Variants in HARBI1 observed in about 807,000 individuals in gnomAD.
HARBI1 encodes the protein harbinger transposase derived 1, also known as putative nuclease HARBI1.
Under a neutral mutation model 25.3 loss-of-function variants are expected in HARBI1, and 15 were observed. The observed-to-expected ratio is 0.59, with a 90% CI of 0.40 to 0.91. HARBI1 has a LOEUF of 0.91. Among genes scored for constraint, HARBI1 ranks in the 40% least tolerant of loss-of-function variants. The pLI is 0.00. For missense variants in HARBI1, 396 were observed against 445.8 expected, an observed-to-expected ratio of 0.89 and a Z score of 1.01; for synonymous variants, 168 against 160.5, an observed-to-expected ratio of 1.05 and a Z score of -0.35.
At chr11:46,607,208 G>A (rs1219131694) in intron 2 of HARBI1, among the ~76,000 whole-genome samples, 3 of 147,278 alleles carry the variant, frequency 2.0e-5, no homozygotes, top group Non-Finnish European at 4.4e-5. Context: ...GATGCAGTGA[G>A]CCGAGATCAC....
intron 2 of HARBI1, among the ~76,000 whole-genome samples, chr11:46,605,586 CCT>C (rs1491289495): frequency 1.5e-5 from 2 of 134,000 alleles, no homozygotes; most frequent in Non-Finnish European, 1.6e-5. Context: ...CCAGGTATAA[CCT>C]TTTTTTTTTT....
At chr11:46,615,181 G>A (rs962557682) in intron 2 of HARBI1, among the ~76,000 whole-genome samples, 1 of 151,522 alleles carries the variant, frequency 6.6e-6, no homozygotes, top group Non-Finnish European at 1.5e-5. Flanking sequence ...CAAAGTGCTA[G>A]GATAACAGGC....
rs558890391 is a variant in HARBI1, at chr11:46,615,446, G to A, written c.670+122C>T. On this transcript the variant is annotated intron_variant, in intron 2 of 2. Transcript: ENST00000326737. ...TTGGCCAGGCTGGTCTCCAGCTCTT[G>A]ACCTCAGGTGATCTACCGCCTCAGC... 1.9e-4 allele frequency: 148 copies of A among 761,340 alleles called. No individual in the cohort carries two copies. In the African/African-American group the frequency reaches 2.2e-3, roughly 11 times the overall value. The allele number at this position is 761,340 out of a possible 1,614,324, so 47.2% of individuals were successfully genotyped here. A position where few individuals can be genotyped will look rare whatever the true frequency, so the allele number is the denominator to read the frequency against.
intron 1 of HARBI1, chr11:46,616,671 G>A (rs1033683325): frequency 3.0e-6 from 3 of 998,472 alleles, no homozygotes; most frequent in South Asian, 8.6e-5. Context: ...AAAAGAGGTC[G>A]GCTTCTAACT....
At chr11:46,615,269 G>A (rs567484355) in intron 2 of HARBI1, among the ~76,000 whole-genome samples, 3 of 148,280 alleles carry the variant, frequency 2.0e-5, no homozygotes, top group Admixed American at 1.3e-4. Flanking sequence ...TTGCCCAGGT[G>A]GGGGTGCAAT....
rs746807126 is a variant in HARBI1, at chr11:46,603,774, G to A, written c.806C>T (p.Ser269Phe). The A allele has an allele frequency of 3.7e-6, 6 of 1,614,190 alleles. No homozygotes were observed. Among genetic ancestry groups the A allele is most frequent in the Non-Finnish European group, 5.1e-6 (6 of 1,180,044 alleles). The change falls in exon 3 of 3, where the codon TCC (serine) becomes TTC (phenylalanine). Residue 269 changes from serine (S) to phenylalanine (F), a missense_variant. Ser to Phe is a radical substitution (Grantham distance 155). Coordinates refer to ENST00000326737, the MANE Select transcript of HARBI1 (RefSeq NM_173811.4). ...GGATCCATCCAGGCAGCGGAATCGG[G>A]AGCAGAGGGTTCGGAAAGTCTTCTC... Reference protein sequence around the residue: ...VIEKTFRTLCSRFRCLDGSKG... With the variant: ...VIEKTFRTLCFRFRCLDGSKG...
intron 2 of HARBI1, among the ~76,000 whole-genome samples, chr11:46,608,380 C>T (rs1213176010): frequency 6.6e-6 from 1 of 152,114 alleles, no homozygotes; most frequent in African/African-American, 2.4e-5. Context: ...CCTTATAATC[C>T]TGCCAATCTT....
chr11:46,603,951 G>C, intron 2 of HARBI1, 42 bp from the exon 3 acceptor site: 1 of 1,541,452 alleles, frequency 6.5e-7, no homozygotes, highest in African/African-American at 1.4e-5. Flanking sequence ...ACTATAAGTG[G>C]AATAGAAACA....
Position 46,615,736 on chromosome 11 carries a change from G to A in HARBI1, c.502C>T (p.Arg168Ter), listed in dbSNP as rs149210113. ...CAGTTTAAAGAATGCAGGCCTTTTC[G>A]GTTCACATAGGAGAGGTCTTCAGCA... ...PNAEDLSYVN[R>*]KGLHSLNCLM... The change falls in exon 2 of 3, where the codon CGA becomes TGA. Residue 168 changes from arginine to a stop codon, truncating the protein, a stop_gained. Transcript: ENST00000326737. LOFTEE classifies it high-confidence loss of function. The A allele has an allele frequency of 4.1e-5, 66 of 1,613,998 alleles. No individual in the cohort carries two copies. The highest frequency in any genetic ancestry group is 5.6e-5 in the Non-Finnish European group (66 of 1,180,034).
rs1330334117 is a variant in HARBI1 at position 46,603,618 on chromosome 11, G to A, written c.962C>T (p.Pro321Leu). The change falls in exon 3 of 3, where the codon CCC becomes CTC. Residue 321 changes from proline to leucine, a missense_variant. Pro to Leu is a moderately conservative substitution (Grantham distance 98). Transcript: ENST00000326737. ...SSPMTGPMEQPPEEEYEHMES... is the reference protein window; with the variant it reads ...SSPMTGPMEQLPEEEYEHMES... The stretch of plus-strand genomic sequence containing the variant: ...CATGTGCTCATACTCCTCTTCCGGG[G>A]GCTGTTCCATGGGTCCTGTCATTGG... The A allele has an allele frequency of 1.9e-6, 3 of 1,614,120 alleles. No individual in the cohort carries two copies. The highest frequency in any genetic ancestry group is 2.5e-6 in the Non-Finnish European group (3 of 1,180,030).
chr11:46,610,459 G>A (rs1476870879), intron 2 of HARBI1, among the ~76,000 whole-genome samples: 1 of 151,794 alleles, frequency 6.6e-6, no homozygotes, highest in African/African-American at 2.4e-5. Context: ...AGGAGATGGA[G>A]GCCATCCTGG....
At chr11:46,617,863 AACC>A, upstream of HARBI1, 1 of 399,160 alleles carries the variant, frequency 2.5e-6, no homozygotes, top group Non-Finnish European at 4.4e-6. Flanking sequence ...GAGAGCCCGG[AACC>A]ACTCTTTGTG....
chr11:46,610,173 AGCC>A (rs1303042120), intron 2 of HARBI1, among the ~76,000 whole-genome samples: 1 of 151,968 alleles, frequency 6.6e-6, no homozygotes, highest in Non-Finnish European at 1.5e-5. Context: ...AAACAAAATT[AGCC>A]AGGCATGATG....
At chr11:46,607,364 G>A (rs952484570) in intron 2 of HARBI1, among the ~76,000 whole-genome samples, 16 of 151,618 alleles carry the variant, frequency 1.1e-4, no homozygotes, top group African/African-American at 7.3e-5. Context: ...GTATATGTTC[G>A]TCATCCTTTG....
chr11:46,616,218 A>G lies in HARBI1; in HGVS notation c.20T>C (p.Val7Ala), dbSNP rs953282704. Reference protein sequence around the residue: MAIPITVLDCDLLLYGR... With the variant: MAIPITALDCDLLLYGR... Reference sequence around the variant, plus strand: ...ATATAGCAAGAGGTCACAGTCAAGCACTGTTATTGGTATAGCCATGGTAAA... The same window carrying G: ...ATATAGCAAGAGGTCACAGTCAAGCGCTGTTATTGGTATAGCCATGGTAAA... Residue 7 changes from valine to alanine, a missense_variant, in exon 2 of 3, where the codon GTG (valine) becomes GCG (alanine). Val to Ala is a moderately conservative substitution (Grantham distance 64, BLOSUM62 0). Coordinates refer to ENST00000326737, the MANE Select transcript of HARBI1 (RefSeq NM_173811.4). The G allele has an allele frequency of 1.2e-6, 2 of 1,610,160 alleles. No individual in the cohort carries two copies. Among genetic ancestry groups the G allele is most frequent in the Non-Finnish European group, 1.7e-6 (2 of 1,179,908 alleles).
At chr11:46,616,859 A>AAAC in intron 1 of HARBI1, 3 of 953,274 alleles carry the variant, frequency 3.1e-6, no homozygotes, top group Non-Finnish European at 3.7e-6. Context: ...AAAAAAAAAA[A>AAAC]AAACAACCAA....
At chr11:46,610,312 CCT>C (rs1458393731) in intron 2 of HARBI1, among the ~76,000 whole-genome samples, 1 of 148,942 alleles carries the variant, frequency 6.7e-6, no homozygotes, top group Non-Finnish European at 1.5e-5. Context: ...AGAGTGAGAC[CCT>C]GTTTCAAAAA....
Position 46,616,831 on chromosome 11 carries a change from CAAAAAAAAAAA to C in HARBI1, c.-145+282_-145+292del, listed in dbSNP as rs749013239. The C allele has an allele frequency of 9.2e-3, 5,531 of 604,104 alleles. 6 individuals carry two copies. The highest frequency in any genetic ancestry group is 0.017 in the South Asian group (208 of 12,370). The allele number at this position is 604,104 out of a possible 1,614,324, so 37.4% of individuals were successfully genotyped here. A position where few individuals can be genotyped will look rare whatever the true frequency, so the allele number is the denominator to read the frequency against. ...ACCAGTCTAACAAGAAAAGAAGGGG[CAAAAAAAAAAA>C]AAAAAAAAAAAAAAAAAAAACAACC... is the stretch of plus-strand genomic sequence containing the variant. On this transcript the variant is annotated intron_variant, in intron 1 of 2. Coordinates refer to ENST00000326737, the MANE Select transcript of HARBI1 (RefSeq NM_173811.4).
chr11:46,604,429 T>G (rs953313384), intron 2 of HARBI1: 16 of 932,710 alleles, frequency 1.7e-5, no homozygotes, highest in Non-Finnish European at 1.9e-5. Flanking sequence ...TTCCTGCATT[T>G]TCCTAATTCA....
Sources: gnomAD v4.1 joint callset for allele counts (sites outside exome capture counted in the v4.1 genomes callset) on GRCh38, gnomAD v4.1.1 for gene constraint, MANE v1.5 for transcripts, NCBI Gene and HGNC (gene_info 2026-07-23, HGNC 2026-07-21) for gene names.